CTBP2: variants seen among roughly 807,000 people sequenced by gnomAD.
The protein encoded by CTBP2 is C-terminal binding protein 2.
In CTBP2, 30 loss-of-function variants were observed where a neutral mutation model predicts 80.3. The ratio of observed to expected loss-of-function variants is 0.37; its 90% confidence interval spans 0.28 to 0.51. CTBP2 has a LOEUF of 0.51. Among genes scored for constraint, CTBP2 ranks in the 20% least tolerant of loss-of-function variants. CTBP2 has a pLI of 0.93. For synonymous variants in CTBP2, 594 were observed against 587.4 expected, an observed-to-expected ratio of 1.01 and a Z score of -0.16; for missense variants, 1,212 against 1,375.3, an observed-to-expected ratio of 0.88 and a Z score of 1.88.
chr10:125,068,398 C>T (rs1254131814), intron 2 of CTBP2, among the ~76,000 whole-genome samples: 1 of 152,192 alleles, frequency 6.6e-6, no homozygotes, highest in Non-Finnish European at 1.5e-5. Context: ...TAACCCCATC[C>T]CCTTTCTCTC....
At position 124,984,584 on chromosome 10, in the gene CTBP2, CT is replaced by C; in HGVS notation, c.*4933del. On this transcript the variant is annotated 3_prime_UTR_variant, in exon 9 of 9. Transcript: ENST00000309035. ...TTTCTGAGAAATTTCCCATTTATGT[CT>C]TTTTAAATTTAACCAGAGCAAACTG... 1.8e-6 allele frequency: 1 copy of C among 552,602 alleles called. No individual in the cohort carries two copies. Among genetic ancestry groups the C allele is most frequent in the East Asian group, 2.9e-5 (1 of 34,174 alleles). 34.2% of individuals were successfully genotyped at this position (552,602 alleles called of 1,614,324 possible).
chr10:125,122,621 G>A (rs996510604), intron 1 of CTBP2: 1 of 152,224 alleles, frequency 6.6e-6, no homozygotes, highest in African/African-American at 2.4e-5. Context: ...AATGTACACT[G>A]TGCAAACACA....
upstream of CTBP2, chr10:125,160,640 C>T (rs1461163937): frequency 9.3e-6 from 1 of 108,080 alleles, no homozygotes; most frequent in South Asian, 3.6e-4. Flanking sequence ...CCCACCCTAC[C>T]CCTCCCTTCC....
At position 124,984,557 on chromosome 10, in the gene CTBP2, T is replaced by C; in HGVS notation, c.*4961A>G. On this transcript the variant is annotated 3_prime_UTR_variant, in exon 9 of 9. Coordinates refer to ENST00000309035, the MANE Select transcript of CTBP2 (RefSeq NM_022802.3). Reference sequence around the variant, plus strand: ...CCCTCTAGTGTGCTCCTCTTTAGTTTTTTTCTGAGAAATTTCCCATTTATG... The same window carrying C: ...CCCTCTAGTGTGCTCCTCTTTAGTTCTTTTCTGAGAAATTTCCCATTTATG... 1 of 537,980 alleles carries C rather than the reference T, an allele frequency of 1.9e-6. No individual in the cohort carries two copies. The highest frequency in any genetic ancestry group is 3.3e-6 in the Non-Finnish European group (1 of 306,862). The allele number at this position is 537,980 out of a possible 1,614,324, so 33.3% of individuals were successfully genotyped here. A position where few individuals can be genotyped will look rare whatever the true frequency, so the allele number is the denominator to read the frequency against.
rs116550816 is a variant in CTBP2, at chr10:125,020,453, C to T, written c.1678+5629G>A. On this transcript the variant is annotated intron_variant, in intron 1 of 8. Transcript: ENST00000309035. ...TGCTTTCTAAACCAGGAAGACAGAA[C>T]GCCCCTGTAGACATGAGGAGGTCAG... Among the ~76,000 whole-genome samples the T allele has an allele frequency of 3.3e-3, 503 of 152,312 alleles. 2 individuals carry two copies. The highest frequency in any genetic ancestry group is 0.011 in the African/African-American group (474 of 41,566).
At chr10:125,159,618 G>A (rs1202687814) in intron 1 of CTBP2, among the ~76,000 whole-genome samples, 4 of 150,424 alleles carry the variant, frequency 2.7e-5, no homozygotes, top group Non-Finnish European at 4.4e-5. Flanking sequence ...CTCCCGGGGA[G>A]CCGCGCGGGA....
chr10:125,096,822 A>T (rs961205551), intron 2 of CTBP2, among the ~76,000 whole-genome samples: 1 of 152,098 alleles, frequency 6.6e-6, no homozygotes, highest in South Asian at 2.1e-4. Flanking sequence ...AGAGTGCCCC[A>T]ATTTCTTCCG....
chr10:125,076,634 C>A (rs1380736724), intron 2 of CTBP2, among the ~76,000 whole-genome samples: 1 of 152,200 alleles, frequency 6.6e-6, no homozygotes, highest in Non-Finnish European at 1.5e-5. Flanking sequence ...AGTTCTCCTG[C>A]CACCGACCTG....
At position 125,060,575 on chromosome 10, in the gene CTBP2, G is replaced by A. The variant is rs997757893; in HGVS notation, c.-101-21420C>T. Among the ~76,000 whole-genome samples, 10 of 152,066 alleles carry A rather than the reference G, an allele frequency of 6.6e-5. No individual in the cohort carries two copies. In the South Asian group the frequency reaches 2.1e-3, roughly 32 times the overall value. On this transcript the variant is annotated intron_variant, in intron 2 of 10. Coordinates refer to the CTBP2 transcript ENST00000337195. ...GTGAAAAACTTGCAAATGTGTTGTG[G>A]AAGAGAATGGCAATGCTCATCCCCA...
At chr10:125,123,840 A>T (rs987444945) in intron 1 of CTBP2, among the ~76,000 whole-genome samples, 10 of 152,238 alleles carry the variant, frequency 6.6e-5, no homozygotes, top group Admixed American at 2.0e-4. Context: ...AGGTGCTGCC[A>T]GCTGCCCAGG....
chr10:125,080,064 G>A (rs1421741757), intron 2 of CTBP2, among the ~76,000 whole-genome samples: 1 of 152,162 alleles, frequency 6.6e-6, no homozygotes, highest in Non-Finnish European at 1.5e-5. Context: ...TAACTCCGCT[G>A]TATATTTATG....
At position 124,993,185 on chromosome 10, in the gene CTBP2, G is replaced by A. The variant is rs896029721; in HGVS notation, c.2659+17C>T. The A allele has an allele frequency of 6.3e-7, 1 of 1,586,478 alleles. No individual in the cohort carries two copies. Among genetic ancestry groups the A allele is most frequent in the Non-Finnish European group, 8.6e-7 (1 of 1,159,126 alleles). ...CTGAGGCTGCCCTTGGCAGGCCAGA[G>A]GCACGGAGGGGCTCACCTGTGATGG... is the stretch of plus-strand genomic sequence containing the variant. On this transcript the variant is annotated intron_variant, in intron 7 of 8. Transcript: ENST00000309035.
rs778716609 is a variant in CTBP2, at chr10:124,998,108, G to A, written c.2041C>T (p.His681Tyr). 5.0e-6 allele frequency: 8 copies of A among 1,612,556 alleles called. No individual in the cohort carries two copies. ...TTCCTCCGGTACAGGTTGAGGATGT[G>A]GCAGATGGTAGAGTCCGCTGTCTCT... is the stretch of plus-strand genomic sequence containing the variant. The change falls in exon 4 of 9, where the codon CAC (histidine) becomes TAC (tyrosine). Residue 681 changes from histidine (H) to tyrosine (Y), a missense_variant. Coordinates refer to ENST00000309035, the MANE Select transcript of CTBP2 (RefSeq NM_022802.3).
At position 124,989,216 on chromosome 10, in the gene CTBP2, A is replaced by G. The variant is rs1258333037; in HGVS notation, c.*302T>C. On this transcript the variant is annotated 3_prime_UTR_variant, in exon 9 of 9. Coordinates refer to ENST00000309035, the MANE Select transcript of CTBP2 (RefSeq NM_022802.3). ...GGGTGTTCAGGACCTGCTGTGCCCAAGGGACTGATAAAGGAAAAAGCTCTA... is the reference window on the plus strand; with the variant it reads ...GGGTGTTCAGGACCTGCTGTGCCCAGGGGACTGATAAAGGAAAAAGCTCTA... 7.9e-6 allele frequency: 3 copies of G among 378,022 alleles called. No homozygotes were observed. The East Asian group carries it at 2.1e-4, about 26-fold the overall frequency. 23.4% of individuals were successfully genotyped at this position (378,022 alleles called of 1,614,324 possible). A position where few individuals can be genotyped will look rare whatever the true frequency, so the allele number is the denominator to read the frequency against.
Position 124,989,374 on chromosome 10 carries a change from G to C in CTBP2, c.*144C>G, listed in dbSNP as rs1422398204. The C allele has an allele frequency of 1.1e-6, 1 of 930,374 alleles. No individual in the cohort carries two copies. Among genetic ancestry groups the C allele is most frequent in the South Asian group, 1.4e-5 (1 of 72,320 alleles). The allele number at this position is 930,374 out of a possible 1,614,324, so 57.6% of individuals were successfully genotyped here. A position where few individuals can be genotyped will look rare whatever the true frequency, so the allele number is the denominator to read the frequency against. ...CGACATCTTCAGTTTTCTAGCTCTT[G>C]TAGTTTCAACACTGCAACATCAATG... is the stretch of plus-strand genomic sequence containing the variant. On this transcript the variant is annotated 3_prime_UTR_variant, in exon 9 of 9. Transcript: ENST00000309035.
chr10:125,042,047 G>A (rs1959982948), intron 2 of CTBP2, among the ~76,000 whole-genome samples: 1 of 151,968 alleles, frequency 6.6e-6, no homozygotes. Flanking sequence ...CAGGCCAGTG[G>A]CACCGACCCA....
chr10:125,073,084 C>G (rs899603094), intron 2 of CTBP2, among the ~76,000 whole-genome samples: 2 of 152,250 alleles, frequency 1.3e-5, no homozygotes, highest in Non-Finnish European at 2.9e-5. Flanking sequence ...CCGGCTCGCC[C>G]AAGTCTTCAG....
chr10:125,146,149 A>G (rs1020617025), intron 1 of CTBP2, among the ~76,000 whole-genome samples: 2 of 152,162 alleles, frequency 1.3e-5, no homozygotes, highest in African/African-American at 4.8e-5. Flanking sequence ...CTCCAAAACT[A>G]ATTAGAAGAG....
intron 2 of CTBP2, among the ~76,000 whole-genome samples, chr10:125,069,345 C>G (rs567521870): frequency 6.6e-6 from 1 of 152,200 alleles, no homozygotes; most frequent in Non-Finnish European, 1.5e-5. Context: ...TGGCCAAGTG[C>G]GGTGGCTCAC....
Sources: gnomAD v4.1 joint callset for allele counts (sites outside exome capture counted in the v4.1 genomes callset) on GRCh38, gnomAD v4.1.1 for gene constraint, MANE v1.5 for transcripts, NCBI Gene and HGNC (gene_info 2026-07-23, HGNC 2026-07-21) for gene names.